Variants in GLCCI1 observed in about 807,000 individuals in gnomAD.
GLCCI1 encodes the protein glucocorticoid-induced transcript 1 protein.
GLCCI1 carries 24 observed loss-of-function variants against 52.2 expected under a neutral mutation model. The ratio of observed to expected loss-of-function variants is 0.46; its 90% CI spans 0.33 to 0.65. The LOEUF (loss-of-function observed/expected upper bound fraction) is 0.65, where lower values mean the gene tolerates loss of function less well. Ranked by LOEUF, GLCCI1 falls within the 30% of genes least tolerant of loss-of-function variation. The probability of loss-of-function intolerance (pLI) is 0.02; values close to 1 mark genes in which losing one functional copy is unlikely to be tolerated. For missense variants in GLCCI1, 704 were observed against 701.5 expected (o/e 1.00, Z -0.04); for synonymous variants, 310 against 276.5 (o/e 1.12, Z -1.20).
intron 1 of GLCCI1, among the ~76,000 whole-genome samples, chr7:7,974,656 C>T (rs1002849448): frequency 1.3e-5 from 2 of 152,098 alleles, no homozygotes; most frequent in African/African-American, 2.4e-5. Flanking sequence ...AATGGCTAGT[C>T]GGAGAGGGTT....
intron 6 of GLCCI1, among the ~76,000 whole-genome samples, chr7:8,082,892 T>A (rs1006052487): frequency 2.6e-5 from 4 of 152,204 alleles, no homozygotes; most frequent in Admixed American, 1.3e-4. Context: ...ACTGAAAGAA[T>A]GTGATAGGCC....
chr7:8,086,662 A>G lies in GLCCI1; in HGVS notation c.*124A>G. ...ATAATACTTATCAGCATCATAAAGT[A>G]TCTCTTAAACACTGATCTTGGCAGG... On this transcript the variant is annotated 3_prime_UTR_variant, in exon 8 of 8. Transcript: ENST00000223145. This position sits in a 1 kb window ranked among gnomAD's most constrained non-coding sequence, Gnocchi z 4.4. 1.3e-6 allele frequency: 1 copy of G among 798,892 alleles called. No homozygotes were observed. The allele number at this position is 798,892 out of a possible 1,614,324, so 49.5% of individuals were successfully genotyped here. A position where few individuals can be genotyped will look rare whatever the true frequency, so the allele number is the denominator to read the frequency against.
At chr7:8,083,992 A>G (rs1783049214) in intron 6 of GLCCI1, among the ~76,000 whole-genome samples, 1 of 152,214 alleles carries the variant, frequency 6.6e-6, no homozygotes, top group Non-Finnish European at 1.5e-5. Context: ...AATACATTTC[A>G]ATAGATCATG....
At chr7:7,982,858 G>A (rs1156972746) in intron 1 of GLCCI1, among the ~76,000 whole-genome samples, 4 of 152,082 alleles carry the variant, frequency 2.6e-5, no homozygotes, top group Non-Finnish European at 5.9e-5. Flanking sequence ...TTTTGCTGCT[G>A]AAACTGCTGC....
chr7:7,992,687 G>A (rs1416073169), intron 1 of GLCCI1, among the ~76,000 whole-genome samples: 1 of 151,806 alleles, frequency 6.6e-6, no homozygotes, highest in Non-Finnish European at 1.5e-5. Flanking sequence ...ATTTCTTGAG[G>A]GACTCCTGTT....
At chr7:7,992,313 C>T (rs1304785016) in intron 1 of GLCCI1, among the ~76,000 whole-genome samples, 2 of 151,978 alleles carry the variant, frequency 1.3e-5, no homozygotes, top group Admixed American at 1.3e-4. Flanking sequence ...ACTGAACATA[C>T]TGCTGCTCTC....
At chr7:8,029,861 A>G (rs1193630708) in intron 3 of GLCCI1, among the ~76,000 whole-genome samples, 1 of 152,146 alleles carries the variant, frequency 6.6e-6, no homozygotes, top group East Asian at 1.9e-4. Flanking sequence ...AAAGATCTCT[A>G]CAATGAAAAG....
At chr7:8,006,466 C>T (rs1273767080) in intron 2 of GLCCI1, among the ~76,000 whole-genome samples, 2 of 152,114 alleles carry the variant, frequency 1.3e-5, no homozygotes, top group African/African-American at 4.8e-5. Context: ...TAAAACCTAA[C>T]CCATAATATT....
intron 6 of GLCCI1, among the ~76,000 whole-genome samples, chr7:8,080,918 C>T (rs1261807387): frequency 6.6e-6 from 1 of 150,452 alleles, no homozygotes; most frequent in Non-Finnish European, 1.5e-5. Flanking sequence ...AAGTGATCCT[C>T]CCGCCTCAGC....
At chr7:8,081,777 G>A (rs1298163891) in intron 6 of GLCCI1, among the ~76,000 whole-genome samples, 1 of 152,058 alleles carries the variant, frequency 6.6e-6, no homozygotes, top group Non-Finnish European at 1.5e-5. Flanking sequence ...TGGTAAATAT[G>A]GTACAGATGC....
At chr7:8,007,011 A>G (rs961516384) in intron 2 of GLCCI1, among the ~76,000 whole-genome samples, 6 of 152,234 alleles carry the variant, frequency 3.9e-5, no homozygotes, top group African/African-American at 1.4e-4. Context: ...TACCTGGAGT[A>G]TATTCTACAG....
chr7:8,082,007 A>G (rs557438920), intron 6 of GLCCI1, among the ~76,000 whole-genome samples: 76 of 152,340 alleles, frequency 5.0e-4, no homozygotes, highest in East Asian at 7.7e-4. Context: ...TTATGATCCT[A>G]TATTATTCTC....
At chr7:8,036,469 TAGAG>T (rs2127953230) in intron 3 of GLCCI1, among the ~76,000 whole-genome samples, 1 of 152,242 alleles carries the variant, frequency 6.6e-6, no homozygotes, top group East Asian at 1.9e-4. Context: ...GAGAAGGAAC[TAGAG>T]AGACAATTCT....
At chr7:8,048,219 C>T (rs1257876386) in intron 3 of GLCCI1, among the ~76,000 whole-genome samples, 2 of 152,106 alleles carry the variant, frequency 1.3e-5, no homozygotes. Flanking sequence ...CATCTCTTAC[C>T]TACAGTTATT....
chr7:8,041,558 G>T (rs936326257), intron 3 of GLCCI1, among the ~76,000 whole-genome samples: 18 of 152,184 alleles, frequency 1.2e-4, no homozygotes, highest in Non-Finnish European at 4.4e-5. Flanking sequence ...TGGCTTCAAA[G>T]CTTTAAAGGA....
At chr7:8,013,930 T>C (rs1781323253) in intron 2 of GLCCI1, among the ~76,000 whole-genome samples, 1 of 152,134 alleles carries the variant, frequency 6.6e-6, no homozygotes, top group Admixed American at 6.5e-5. Context: ...TCTTTTGGAA[T>C]TGCATTTGTT....
At chr7:7,993,572 T>C (rs565845707) in intron 1 of GLCCI1, among the ~76,000 whole-genome samples, 1 of 152,334 alleles carries the variant, frequency 6.6e-6, no homozygotes, top group South Asian at 2.1e-4. Context: ...ATTGGCCCTT[T>C]ACATTTACCC....
At chr7:8,019,068 T>C (rs1781430984) in intron 2 of GLCCI1, among the ~76,000 whole-genome samples, 1 of 152,254 alleles carries the variant, frequency 6.6e-6, no homozygotes, top group Non-Finnish European at 1.5e-5. Flanking sequence ...TGTGACTTCT[T>C]AATCATCAGC....
chr7:7,980,457 A>G, intron 1 of GLCCI1: 2 of 294,100 alleles, frequency 6.8e-6, no homozygotes. Context: ...TCTAGAAGGT[A>G]CTCGCCTGCT....
Sources: allele counts gnomAD v4.1 joint callset (sites outside exome capture counted in the v4.1 genomes callset), GRCh38; gene constraint gnomAD v4.1.1; non-coding constraint Gnocchi (gnomAD v3.1); transcripts MANE v1.5; gene names NCBI Gene and HGNC (gene_info 2026-07-23, HGNC 2026-07-21).